Variants in FAM193B observed in about 807,000 individuals in gnomAD.
FAM193B encodes the protein protein FAM193B.
A neutral mutation model predicts 70.7 loss-of-function variants in FAM193B; 27 were observed. The ratio of observed to expected loss-of-function variants is 0.38; its 90% CI spans 0.28 to 0.53. FAM193B has a LOEUF of 0.53. Among genes scored for constraint, FAM193B ranks in the 20% least tolerant of loss-of-function variants. FAM193B has a pLI of 0.81. For missense variants in FAM193B, 1,022 were observed against 1,072.5 expected (o/e 0.95, Z 0.66); for synonymous variants, 448 against 436.0 (o/e 1.03, Z -0.34).
Position 177,553,431 on chromosome 5 carries a change from C to T in FAM193B, c.210+818G>A, listed in dbSNP as rs1053188731. The T allele has an allele frequency of 4.7e-6, 5 of 1,062,460 alleles. No homozygotes were observed. The African/African-American group carries it at 8.6e-5, about 18-fold the overall frequency. The allele number at this position is 1,062,460 out of a possible 1,614,324, so 65.8% of individuals were successfully genotyped here. On this transcript the variant is annotated intron_variant, in intron 1 of 8. Coordinates refer to ENST00000514747, the MANE Select transcript of FAM193B (RefSeq NM_001190946.3). The stretch of plus-strand genomic sequence containing the variant: ...GGGAGAGCCACCCAGCCCCGAGTGC[C>T]ACAACCCTCCCAGAGCAACCGTGGC...
intron 1 of FAM193B, among the ~76,000 whole-genome samples, chr5:177,545,658 CAAAAAA>C (rs35116415): frequency 8.4e-6 from 1 of 119,088 alleles, no homozygotes; most frequent in African/African-American, 3.1e-5. Flanking sequence ...GAGCCTGTCT[CAAAAAA>C]AAAAAAAAAA....
At chr5:177,551,733 T>C (rs563043579) in intron 1 of FAM193B, among the ~76,000 whole-genome samples, 1 of 152,348 alleles carries the variant, frequency 6.6e-6, no homozygotes, top group African/African-American at 2.4e-5. Flanking sequence ...GTGGTCTTAT[T>C]TGCCACCTTT....
chr5:177,531,181 C>T, intron 5 of FAM193B: 3 of 1,157,856 alleles, frequency 2.6e-6, no homozygotes, highest in Non-Finnish European at 3.3e-6. Flanking sequence ...CAAGCTGAGG[C>T]CTTTGGCAGC....
Position 177,532,141 on chromosome 5 carries a change from C to T in FAM193B, c.1275+302G>A. Reference sequence around the variant, plus strand: ...CCAAGCGTTCACTTCTCTGGGATTACACACGTATACATACTCATCAGAATC... The same window carrying T: ...CCAAGCGTTCACTTCTCTGGGATTATACACGTATACATACTCATCAGAATC... On this transcript the variant is annotated intron_variant, in intron 5 of 8. Transcript: ENST00000514747. This position sits in a 1 kb window ranked among gnomAD's most constrained non-coding sequence, Gnocchi z 4.9. The T allele has an allele frequency of 2.2e-6, 3 of 1,382,216 alleles. No homozygotes were observed. Among genetic ancestry groups the T allele is most frequent in the Non-Finnish European group, 1.9e-6 (2 of 1,049,814 alleles). 85.6% of individuals were successfully genotyped at this position (1,382,216 alleles called of 1,614,324 possible).
chr5:177,537,826 T>C (rs1309258261), intron 3 of FAM193B, 47 bp downstream of exon 3: 14 of 1,554,770 alleles, frequency 9.0e-6, no homozygotes, highest in Non-Finnish European at 1.1e-5. Context: ...AAAACACAGC[T>C]GTCCACATTT....
At chr5:177,529,175 G>C (rs1463237736) in intron 5 of FAM193B, among the ~76,000 whole-genome samples, 2 of 151,598 alleles carry the variant, frequency 1.3e-5, no homozygotes, top group Non-Finnish European at 2.9e-5. Context: ...AAGAAGCAGG[G>C]TGTCTCTCTG....
Position 177,538,109 on chromosome 5 carries a change from T to G in FAM193B, c.454-2A>C. 1 of 1,533,998 alleles carries G rather than the reference T, an allele frequency of 6.5e-7. No homozygotes were observed. The highest frequency in any genetic ancestry group is 8.8e-7 in the Non-Finnish European group (1 of 1,133,196). ...GCAGGATGTGTGTGACAAGGAGATC[T>G]GGAGAAGGGGGAGGAAAAAGGCTCA... is the stretch of plus-strand genomic sequence containing the variant. On this transcript the variant is annotated splice_acceptor_variant, in intron 2 of 8. Coordinates refer to ENST00000514747, the MANE Select transcript of FAM193B (RefSeq NM_001190946.3). LOFTEE classifies it high-confidence loss of function. The surrounding 1 kb of genome is among the most constrained non-coding windows in gnomAD (Gnocchi z 4.1).
chr5:177,536,790 C>T (rs764831064), intron 3 of FAM193B, 45 bp from the exon 4 acceptor site: 16 of 1,533,852 alleles, frequency 1.0e-5, no homozygotes, highest in South Asian at 2.4e-5. Context: ...GGAGCCCAGA[C>T]CTGGGAAGGA....
chr5:177,534,759 G>C (rs1763978613), intron 4 of FAM193B, among the ~76,000 whole-genome samples: 1 of 152,134 alleles, frequency 6.6e-6, no homozygotes, highest in African/African-American at 2.4e-5. Flanking sequence ...GCTGGAACTA[G>C]AGGCATGCAC....
rs746749942 is a variant in FAM193B, at chr5:177,538,042, A to G, written c.519T>C (p.Ser173=). 6.4e-7 allele frequency: 1 copy of G among 1,553,380 alleles called. No individual in the cohort carries two copies. Among genetic ancestry groups the G allele is most frequent in the South Asian group, 1.2e-5 (1 of 84,092 alleles). Residue 173 remains serine (S), a synonymous_variant, in exon 3 of 9, where the codon TCT becomes TCC. Transcript: ENST00000514747. The surrounding 1 kb of genome is among the most constrained non-coding windows in gnomAD (Gnocchi z 4.1). ...SCGDDSHSSS[S]SSSSSSSSSS... Reference sequence around the variant, plus strand: ...ACGAGGATGAGGATGATGAGGAGGAAGACGAGGACGAATGAGAGTCATCTC... The same window carrying G: ...ACGAGGATGAGGATGATGAGGAGGAGGACGAGGACGAATGAGAGTCATCTC...
chr5:177,547,430 A>G (rs1474139678), intron 1 of FAM193B, among the ~76,000 whole-genome samples: 3 of 150,064 alleles, frequency 2.0e-5, no homozygotes, highest in Admixed American at 6.7e-5. Context: ...GACTACAGGC[A>G]CGCGCCACCA....
chr5:177,534,291 ATTTTTTTTTT>A (rs372141424), intron 4 of FAM193B, among the ~76,000 whole-genome samples: 2 of 134,802 alleles, frequency 1.5e-5, no homozygotes, highest in African/African-American at 5.6e-5. Context: ...AGCAAAACTG[ATTTTTTTTTT>A]TTTTTTTTGG....
At chr5:177,542,882 G>A (rs942365573) in intron 1 of FAM193B, among the ~76,000 whole-genome samples, 1 of 152,192 alleles carries the variant, frequency 6.6e-6, no homozygotes, top group Non-Finnish European at 1.5e-5. Context: ...ATCCCTCACA[G>A]TGCAGCACAG....
chr5:177,524,280 T>A lies in FAM193B; in HGVS notation c.2201A>T (p.Gln734Leu). ...CTGTGGCCTTGCTGGGCCTGAGGGCTGCACAGACTCCTGCTCCTGAGGCCG... is the reference window on the plus strand; with the variant it reads ...CTGTGGCCTTGCTGGGCCTGAGGGCAGCACAGACTCCTGCTCCTGAGGCCG... ...KARPQEQESVQPSGPARPQSL... is the reference protein window; with the variant it reads ...KARPQEQESVLPSGPARPQSL... The change falls in exon 6 of 9, where the codon CAG (glutamine) becomes CTG (leucine). Residue 734 changes from glutamine (Q) to leucine (L), a missense_variant. Transcript: ENST00000514747. 6.3e-7 allele frequency: 1 copy of A among 1,581,584 alleles called. No homozygotes were observed. Among genetic ancestry groups the A allele is most frequent in the Non-Finnish European group, 8.6e-7 (1 of 1,163,964 alleles).
At chr5:177,547,849 G>A (rs2127488891) in intron 1 of FAM193B, among the ~76,000 whole-genome samples, 1 of 152,318 alleles carries the variant, frequency 6.6e-6, no homozygotes, top group East Asian at 1.9e-4. Flanking sequence ...GGTGGAGAAT[G>A]AAGGGGAGAT....
intron 4 of FAM193B, among the ~76,000 whole-genome samples, chr5:177,535,361 TGTGCCAGACAC>T (rs1303254268): frequency 6.6e-6 from 1 of 152,270 alleles, no homozygotes; most frequent in Non-Finnish European, 1.5e-5. Context: ...CAACCCGGCA[TGTGCCAGACAC>T]AGGAGACTTT....
chr5:177,554,072 G>A (rs1766702407), intron 1 of FAM193B, 177 bp downstream of exon 1: 1 of 1,374,740 alleles, frequency 7.3e-7, no homozygotes. Flanking sequence ...CGGCTTTGGG[G>A]AGAGGGGTCC....
chr5:177,527,071 G>A (rs1158730859), intron 5 of FAM193B, among the ~76,000 whole-genome samples: 1 of 152,234 alleles, frequency 6.6e-6, no homozygotes, highest in Non-Finnish European at 1.5e-5. Flanking sequence ...CTTCCTGGAG[G>A]TGGGAGGATC....
chr5:177,550,446 GC>G (rs1242033519), intron 1 of FAM193B, among the ~76,000 whole-genome samples: 1 of 152,202 alleles, frequency 6.6e-6, no homozygotes, highest in Non-Finnish European at 1.5e-5. Flanking sequence ...ATAATGAGAT[GC>G]TTTTATTAAA....
Sources: gnomAD v4.1 joint callset for allele counts (sites outside exome capture counted in the v4.1 genomes callset) on GRCh38, gnomAD v4.1.1 for gene constraint, Gnocchi (gnomAD v3.1) non-coding constraint, MANE v1.5 for transcripts, NCBI Gene and HGNC (gene_info 2026-07-23, HGNC 2026-07-21) for gene names.